WNK1: variants seen among roughly 807,000 people sequenced by gnomAD.
WNK1 encodes the protein serine/threonine-protein kinase WNK1.
A neutral mutation model predicts 222.8 loss-of-function variants in WNK1; 38 were observed. That is an observed-to-expected ratio of 0.17 (90% confidence interval 0.13 to 0.22). WNK1 has a LOEUF of 0.22. Among genes scored for constraint, WNK1 ranks in the 10% least tolerant of loss-of-function variants. The probability of loss-of-function intolerance (pLI) is 1.00; values close to 1 mark genes in which losing one functional copy is unlikely to be tolerated. For synonymous variants in WNK1, 1,090 were observed against 1,092.9 expected, an observed-to-expected ratio of 1.00 and a Z score of 0.05; for missense variants, 2,348 against 2,918.4, an observed-to-expected ratio of 0.80 and a Z score of 4.50.
intron 4 of WNK1, among the ~76,000 whole-genome samples, chr12:833,921 T>C (rs1948994762): frequency 6.6e-6 from 1 of 152,196 alleles, no homozygotes; most frequent in East Asian, 1.9e-4. Flanking sequence ...TTCAGAAAAC[T>C]ACCTCTAATA....
In WNK1 at chr12:817,829, T is replaced by C. The variant is rs1337039522; in HGVS notation, c.932+4015T>C. ...TTAGCTGGGCATGATGGCGGGCGCC[T>C]GTAATCCCAGCTACCCGGGAGGCTG... On this transcript the variant is annotated intron_variant, in intron 2 of 27. Coordinates refer to ENST00000315939, the MANE Select transcript of WNK1 (RefSeq NM_018979.4). Among the ~76,000 whole-genome samples, 5 of 111,532 alleles carry C rather than the reference T, an allele frequency of 4.5e-5. No individual in the cohort carries two copies. In the East Asian group the frequency reaches 2.1e-3, roughly 46 times the overall value. The allele number at this position is 111,532 out of a possible 152,430, so 73.2% of individuals were successfully genotyped here.
At chr12:899,189 A>G (rs954642733) in intron 25 of WNK1, among the ~76,000 whole-genome samples, 3 of 152,378 alleles carry the variant, frequency 2.0e-5, no homozygotes, top group East Asian at 1.9e-4. Context: ...TTCTCTGGAA[A>G]GGTTCACAGA....
chr12:901,344 A>C (rs1955238889), intron 26 of WNK1, among the ~76,000 whole-genome samples: 1 of 152,236 alleles, frequency 6.6e-6, no homozygotes, highest in Admixed American at 6.5e-5. Flanking sequence ...ACTAGCTAGC[A>C]TTATTCGAAC....
chr12:865,282 C>T, intron 8 of WNK1: 1 of 1,536,134 alleles, frequency 6.5e-7, no homozygotes, highest in Non-Finnish European at 8.7e-7. Context: ...CTTTCTAAAG[C>T]ATTGGAGAGT....
Position 900,688 on chromosome 12 carries a change from A to G in WNK1, c.6643+18A>G, listed in dbSNP as rs72650769. The G allele has an allele frequency of 2.0e-3, 3,151 of 1,614,164 alleles. 7 individuals are homozygous for G. Among genetic ancestry groups the G allele is most frequent in the Non-Finnish European group, 2.5e-3 (2,928 of 1,179,956 alleles). ...AGGTCAAGGTAATAAAGCAACCATC[A>G]TCGTCCAAAAACAATAAAATGGAGA... On this transcript the variant is annotated intron_variant, in intron 26 of 27. Coordinates refer to ENST00000315939, the MANE Select transcript of WNK1 (RefSeq NM_018979.4).
At chr12:763,785 G>C (rs904774733) in intron 1 of WNK1, among the ~76,000 whole-genome samples, 13 of 147,350 alleles carry the variant, frequency 8.8e-5, no homozygotes, top group African/African-American at 2.2e-4. Flanking sequence ...AATATTTAGG[G>C]TTTAGTGGAT....
intron 15 of WNK1, 68 bp downstream of exon 15, chr12:883,127 A>G: frequency 1.7e-6 from 2 of 1,149,774 alleles, no homozygotes; most frequent in South Asian, 1.2e-5. Context: ...GCTCTAGGCA[A>G]ATATGCCATA....
intron 1 of WNK1, among the ~76,000 whole-genome samples, chr12:786,191 G>A (rs1282974110): frequency 6.6e-6 from 1 of 152,084 alleles, no homozygotes; most frequent in Non-Finnish European, 1.5e-5. Flanking sequence ...TGTTGCCTTA[G>A]ACTACTTGAT....
intron 9 of WNK1, among the ~76,000 whole-genome samples, chr12:875,862 G>C (rs4980974): frequency 6.6e-6 from 1 of 151,968 alleles, no homozygotes; most frequent in African/African-American, 2.4e-5. Context: ...TCTTATTTAC[G>C]TGTGTAAATT....
intron 4 of WNK1, among the ~76,000 whole-genome samples, chr12:840,875 G>C (rs956430132): frequency 3.3e-5 from 5 of 152,202 alleles, no homozygotes; most frequent in African/African-American, 1.2e-4. Flanking sequence ...TGTGTAGGCA[G>C]TCTTTTCTCT....
intron 4 of WNK1, among the ~76,000 whole-genome samples, chr12:837,404 TC>T (rs1949270310): frequency 6.6e-6 from 1 of 151,352 alleles, no homozygotes. Flanking sequence ...TGAAACCCCG[TC>T]TCTACTAAAA....
intron 1 of WNK1, among the ~76,000 whole-genome samples, chr12:800,371 A>G (rs1945755311): frequency 1.3e-5 from 2 of 152,156 alleles, no homozygotes; most frequent in African/African-American, 4.8e-5. Context: ...TATAGAAAAT[A>G]AAAAGATCAT....
chr12:857,018 C>A, intron 4 of WNK1, 143 bp from the exon 5 acceptor site: 1 of 793,510 alleles, frequency 1.3e-6, no homozygotes, highest in Non-Finnish European at 2.2e-6. Context: ...AACTGTGACA[C>A]TGCATGGACC....
rs1193888698 is a variant in WNK1 at position 764,389 on chromosome 12, A to T, written c.759+10065A>T. 1.4e-5 allele frequency among the ~76,000 whole-genome samples: 2 copies of T among 146,910 alleles called. 1 individual carries two copies. Among genetic ancestry groups the T allele is most frequent in the East Asian group, 3.9e-4 (2 of 5,112 alleles). ...GGTGGCTCACGCCTGTAATCCCAGCACTTTGGGAGGCTGAAGTGGGCGGAT... is the reference window on the plus strand; with the variant it reads ...GGTGGCTCACGCCTGTAATCCCAGCTCTTTGGGAGGCTGAAGTGGGCGGAT... On this transcript the variant is annotated intron_variant, in intron 1 of 27. Coordinates refer to ENST00000315939, the MANE Select transcript of WNK1 (RefSeq NM_018979.4).
At chr12:776,065 A>G (rs1943051456) in intron 1 of WNK1, among the ~76,000 whole-genome samples, 1 of 152,092 alleles carries the variant, frequency 6.6e-6, no homozygotes, top group African/African-American at 2.4e-5. Flanking sequence ...ACAGGATCTC[A>G]TTCTGTGGCC....
At chr12:900,244 C>A (rs1023539472) in intron 25 of WNK1, among the ~76,000 whole-genome samples, 1 of 152,104 alleles carries the variant, frequency 6.6e-6, no homozygotes, top group Admixed American at 6.5e-5. Flanking sequence ...CCTTGGCCTC[C>A]CAAAGTGCTG....
At chr12:904,791 T>C (rs1955562346) in intron 26 of WNK1, among the ~76,000 whole-genome samples, 2 of 152,142 alleles carry the variant, frequency 1.3e-5, no homozygotes, top group South Asian at 4.1e-4. Flanking sequence ...TCAGCAAATA[T>C]GTGCCGGGCA....
intron 1 of WNK1, among the ~76,000 whole-genome samples, chr12:800,020 C>CA (rs1945721864): frequency 6.6e-6 from 1 of 152,076 alleles, no homozygotes. Context: ...GGTGCGCACC[C>CA]ATAGTCCCAG....
At chr12:802,103 AT>A (rs1346340165) in intron 1 of WNK1, among the ~76,000 whole-genome samples, 1 of 152,206 alleles carries the variant, frequency 6.6e-6, no homozygotes, top group Non-Finnish European at 1.5e-5. Flanking sequence ...ATGTAGTATA[AT>A]TGGGCATTAT....
Sources: gnomAD v4.1 joint callset for allele counts (sites outside exome capture counted in the v4.1 genomes callset) on GRCh38, gnomAD v4.1.1 for gene constraint, MANE v1.5 for transcripts, NCBI Gene and HGNC (gene_info 2026-07-23, HGNC 2026-07-21) for gene names.